Variants in CUBN observed in about 807,000 individuals in gnomAD.
CUBN encodes 460 kDa receptor.
A neutral mutation model predicts 405.3 loss-of-function variants in CUBN; 282 were observed. The ratio of observed to expected loss-of-function variants is 0.70; its 90% CI spans 0.63 to 0.77. CUBN has a LOEUF of 0.77. Ranked by LOEUF, CUBN falls within the 30% of genes least tolerant of loss-of-function variation. The probability of loss-of-function intolerance (pLI) is 0.00; values close to 1 mark genes in which losing one functional copy is unlikely to be tolerated. For synonymous variants in CUBN, 1,684 were observed against 1,617.0 expected (o/e 1.04, Z -0.99); for missense variants, 4,514 against 4,475.2 (o/e 1.01, Z -0.25).
chr10:17,124,022 A>G (rs1223572914), intron 4 of CUBN, among the ~76,000 whole-genome samples: 3 of 152,206 alleles, frequency 2.0e-5, no homozygotes, highest in Non-Finnish European at 4.4e-5. Flanking sequence ...TAAAGGTTTC[A>G]GGTGTGGAAA....
rs141775273 is a variant in CUBN at position 16,899,197 on chromosome 10, A to G, written c.8411-14T>C. ...TTCCACCACAACCTGAAATATTGCC[A>G]TGTAAAAAGCCATCAATCAGCAAGG... On this transcript the variant is annotated splice_polypyrimidine_tract_variant and intron_variant, in intron 53 of 66. Coordinates refer to ENST00000377833, the MANE Select transcript of CUBN (RefSeq NM_001081.4). 4.8e-4 allele frequency: 774 copies of G among 1,608,472 alleles called. 3 individuals are homozygous for G. In the African/African-American group the frequency reaches 9.4e-3, roughly 19 times the overall value.
intron 10 of CUBN, among the ~76,000 whole-genome samples, chr10:17,106,792 G>A (rs1836643923): frequency 1.3e-5 from 2 of 152,148 alleles, no homozygotes; most frequent in Non-Finnish European, 2.9e-5. Context: ...GCTTACACAG[G>A]CAGGCCACAT....
chr10:16,828,634 CT>C (rs775660171), intron 66 of CUBN, among the ~76,000 whole-genome samples, 170 bp downstream of exon 66: 214 of 152,070 alleles, frequency 1.4e-3, no homozygotes, highest in Non-Finnish European at 2.6e-3. Context: ...AGGAGAATTG[CT>C]TGAACCCAGG....
At chr10:16,864,618 A>G (rs1019872690) in intron 59 of CUBN, among the ~76,000 whole-genome samples, 3 of 151,124 alleles carry the variant, frequency 2.0e-5, no homozygotes, top group East Asian at 1.9e-4. Context: ...TCATGCATCA[A>G]TCAGCTCTTT....
intron 28 of CUBN, among the ~76,000 whole-genome samples, chr10:17,018,143 G>A (rs555819205): frequency 8.5e-5 from 13 of 152,278 alleles, no homozygotes; most frequent in African/African-American, 2.6e-4. Context: ...CCTGACACCC[G>A]TGTCTTTAGT....
At position 16,887,976 on chromosome 10, in the gene CUBN, A is replaced by C. The variant is rs552854312; in HGVS notation, c.8905+441T>G. 2.0e-5 allele frequency among the ~76,000 whole-genome samples: 3 copies of C among 152,370 alleles called. No individual in the cohort carries two copies. The South Asian group carries it at 6.2e-4, about 32-fold the overall frequency. On this transcript the variant is annotated intron_variant, in intron 56 of 66. Coordinates refer to ENST00000377833, the MANE Select transcript of CUBN (RefSeq NM_001081.4). ...ATGCTAAGTGAAATAAGCTACACAC[A>C]GAAAGGCAAACATTGCATGATCTCA...
intron 8 of CUBN, 55 bp downstream of exon 8, chr10:17,113,972 C>G (rs1461033840): frequency 1.7e-5 from 27 of 1,575,860 alleles, no homozygotes; most frequent in South Asian, 2.3e-5. Flanking sequence ...AAAATTGGTT[C>G]TGGCACCTCG....
chr10:16,917,698 A>G, intron 45 of CUBN, among the ~76,000 whole-genome samples: 1 of 152,352 alleles, frequency 6.6e-6, no homozygotes, highest in Middle Eastern at 3.4e-3. Flanking sequence ...TAAGTTTACT[A>G]AGATTACTTT....
chr10:16,900,144 C>T (rs1841313021), intron 53 of CUBN, among the ~76,000 whole-genome samples: 1 of 152,168 alleles, frequency 6.6e-6, no homozygotes. Context: ...TCCCATTGTT[C>T]AAGGGATAAC....
intron 21 of CUBN, among the ~76,000 whole-genome samples, chr10:17,066,870 T>C (rs1052583372): frequency 6.6e-6 from 1 of 152,102 alleles, no homozygotes; most frequent in Admixed American, 6.6e-5. Context: ...ACTTTGCACC[T>C]GAAACAACAA....
At chr10:16,843,370 A>G (rs899298450) in intron 60 of CUBN, among the ~76,000 whole-genome samples, 1 of 152,238 alleles carries the variant, frequency 6.6e-6, no homozygotes, top group Non-Finnish European at 1.5e-5. Context: ...AGCCATGACC[A>G]TGACCACTGA....
At chr10:16,934,920 G>A (rs757379702) in intron 39 of CUBN, among the ~76,000 whole-genome samples, 3 of 152,142 alleles carry the variant, frequency 2.0e-5, no homozygotes, top group East Asian at 1.9e-4. Context: ...GCACCTAAGA[G>A]TTTGAAATTG....
chr10:17,102,741 G>A (rs766120197), intron 13 of CUBN, among the ~76,000 whole-genome samples: 1 of 151,144 alleles, frequency 6.6e-6, no homozygotes, highest in Non-Finnish European at 1.5e-5. Flanking sequence ...CGAGTAGCTG[G>A]GATTACAGGA....
intron 30 of CUBN, among the ~76,000 whole-genome samples, chr10:16,983,725 G>A (rs1833343095): frequency 1.3e-5 from 2 of 152,178 alleles, no homozygotes; most frequent in South Asian, 4.1e-4. Context: ...AGAACACACA[G>A]TAATTCCTTG....
chr10:16,984,096 C>G lies in CUBN; in HGVS notation c.4525+9G>C. 1 of 1,614,160 alleles carries G rather than the reference C, an allele frequency of 6.2e-7. No individual in the cohort carries two copies. Among genetic ancestry groups the G allele is most frequent in the Non-Finnish European group, 8.5e-7 (1 of 1,179,998 alleles). ...TAAGTACTTTAGGAAACCTCCTTTT[C>G]TCACTCACCTCCAGTGACTGCTTGC... On this transcript the variant is annotated intron_variant, in intron 30 of 66. Transcript: ENST00000377833.
At chr10:17,026,522 A>G (rs1182296907) in intron 27 of CUBN, among the ~76,000 whole-genome samples, 1 of 152,106 alleles carries the variant, frequency 6.6e-6, no homozygotes, top group African/African-American at 2.4e-5. Context: ...AGTCCCAGCT[A>G]CTTGGAAGAC....
At chr10:17,029,473 T>TG in intron 27 of CUBN, among the ~76,000 whole-genome samples, 1 of 152,378 alleles carries the variant, frequency 6.6e-6, no homozygotes, top group East Asian at 1.9e-4. Context: ...AACTAATGGA[T>TG]ATACTTCATT....
chr10:16,932,746 T>A (rs1237324671), intron 40 of CUBN, among the ~76,000 whole-genome samples: 2 of 152,176 alleles, frequency 1.3e-5, no homozygotes, highest in Admixed American at 6.5e-5. Flanking sequence ...TAAGTATTTT[T>A]TTCAGCCAGA....
chr10:17,071,389 C>T, intron 19 of CUBN, 37 bp downstream of exon 19: 1 of 1,598,796 alleles, frequency 6.3e-7, no homozygotes, highest in Non-Finnish European at 8.6e-7. Flanking sequence ...TTATAATATA[C>T]AACCAAATAC....
Sources: gnomAD v4.1 joint callset for allele counts (sites outside exome capture counted in the v4.1 genomes callset) on GRCh38, gnomAD v4.1.1 for gene constraint, MANE v1.5 for transcripts, NCBI Gene and HGNC (gene_info 2026-07-23, HGNC 2026-07-21) for gene names.